Variants in BLOC1S5 observed in about 807,000 individuals in gnomAD.
BLOC1S5 encodes biogenesis of lysosome-related organelles complex 1 subunit 5.
Under a neutral mutation model 24.3 loss-of-function variants are expected in BLOC1S5, and 27 were observed. That is an observed-to-expected ratio of 1.11 (90% confidence interval 0.82 to 1.53). BLOC1S5 has a LOEUF of 1.53. Ranked by LOEUF, BLOC1S5 falls within the 40% of genes most tolerant of loss-of-function variation. The probability of loss-of-function intolerance (pLI) is 0.00; values close to 1 mark genes in which losing one functional copy is unlikely to be tolerated. For missense variants in BLOC1S5, 239 were observed against 229.4 expected (o/e 1.04, Z -0.27); for synonymous variants, 84 against 74.5 (o/e 1.13, Z -0.66).
At chr6:8,017,693 T>C (rs1339914557) in intron 4 of BLOC1S5, 1 of 152,242 alleles carries the variant, frequency 6.6e-6, no homozygotes, top group Non-Finnish European at 1.5e-5. Context: ...GCATAGCTAC[T>C]TCTAAAAGCC....
intron 2 of BLOC1S5, among the ~76,000 whole-genome samples, chr6:8,052,895 CAAA>C (rs572772278): frequency 2.9e-4 from 34 of 115,724 alleles, no homozygotes; most frequent in African/African-American, 9.9e-4. Context: ...GAGACTCTGT[CAAA>C]AAAAAAAAAA....
At chr6:8,030,375 G>C (rs1041683981) in intron 3 of BLOC1S5, among the ~76,000 whole-genome samples, 7 of 151,580 alleles carry the variant, frequency 4.6e-5, no homozygotes, top group African/African-American at 1.7e-4. Context: ...GGTCAGGCTG[G>C]TCTTGAACTC....
chr6:8,057,204 AG>A (rs1454378296), intron 2 of BLOC1S5, among the ~76,000 whole-genome samples: 1 of 152,108 alleles, frequency 6.6e-6, no homozygotes, highest in African/African-American at 2.4e-5. Flanking sequence ...GGGCAACAAG[AG>A]TGAAACTCCG....
At chr6:8,035,095 G>A (rs1763440862) in intron 3 of BLOC1S5, among the ~76,000 whole-genome samples, 2 of 152,048 alleles carry the variant, frequency 1.3e-5, no homozygotes, top group South Asian at 4.1e-4. Flanking sequence ...CTCAGGAATA[G>A]AAAACCAAAC....
At chr6:8,038,848 C>T (rs769682791) in intron 3 of BLOC1S5, among the ~76,000 whole-genome samples, 1 of 152,180 alleles carries the variant, frequency 6.6e-6, no homozygotes. Context: ...GAAAAGGGAA[C>T]TCTCGTATAC....
rs1351742650 is a variant in BLOC1S5 at position 8,064,248 on chromosome 6, G to A, written c.112+17C>T. ...GTGCTGGGATCCACCAGGAACTATA[G>A]CCCTGACACTCCGTACCCTTGATAA... On this transcript the variant is annotated intron_variant, in intron 1 of 4. Coordinates refer to ENST00000397457, the MANE Select transcript of BLOC1S5 (RefSeq NM_201280.3). The A allele has an allele frequency of 1.2e-6, 2 of 1,603,378 alleles. No individual in the cohort carries two copies. The highest frequency in any genetic ancestry group is 1.7e-6 in the Non-Finnish European group (2 of 1,172,256).
Position 8,014,179 on chromosome 6 carries a change from A to T in BLOC1S5, c.*1470T>A, listed in dbSNP as rs543270174. The T allele has an allele frequency of 8.6e-4, 131 of 152,318 alleles. No homozygotes were observed. Among genetic ancestry groups the T allele is most frequent in the African/African-American group, 3.0e-3 (126 of 41,574 alleles). 9.4% of individuals were successfully genotyped at this position (152,318 alleles called of 1,614,324 possible). ...GCAATAAAAAATATGTGAAAGATTT[A>T]TCCATACCTCAAATTTGTTTACCAT... On this transcript the variant is annotated 3_prime_UTR_variant, in exon 5 of 5. Coordinates refer to ENST00000397457, the MANE Select transcript of BLOC1S5 (RefSeq NM_201280.3).
intron 4 of BLOC1S5, among the ~76,000 whole-genome samples, chr6:8,021,211 G>C (rs748138807): frequency 3.9e-5 from 6 of 152,238 alleles, no homozygotes; most frequent in Non-Finnish European, 7.3e-5. Context: ...AATTCATAGA[G>C]CTGGAAAGTA....
intron 2 of BLOC1S5, among the ~76,000 whole-genome samples, chr6:8,052,486 G>T (rs572390857): frequency 6.6e-6 from 1 of 152,262 alleles, no homozygotes; most frequent in African/African-American, 2.4e-5. Context: ...ACATTAACAG[G>T]AGTTTGGAAG....
intron 4 of BLOC1S5, among the ~76,000 whole-genome samples, chr6:8,022,343 G>C (rs1762940869): frequency 6.6e-6 from 1 of 151,180 alleles, no homozygotes; most frequent in Non-Finnish European, 1.5e-5. Flanking sequence ...ACAGTGCTGA[G>C]GTTGAGAAAA....
chr6:8,060,028 TA>T (rs1369567612), intron 2 of BLOC1S5, among the ~76,000 whole-genome samples: 16 of 152,334 alleles, frequency 1.1e-4, no homozygotes, highest in African/African-American at 3.6e-4. Flanking sequence ...AACCAGCTGT[TA>T]CTATAAGCTG....
At chr6:8,043,926 T>C (rs766331608) in intron 2 of BLOC1S5, among the ~76,000 whole-genome samples, 17 of 152,162 alleles carry the variant, frequency 1.1e-4, no homozygotes, top group South Asian at 2.1e-4. Flanking sequence ...AAGTCTCTGA[T>C]GGGCTTATCA....
chr6:8,060,898 C>T (rs963996584), intron 2 of BLOC1S5, among the ~76,000 whole-genome samples: 3 of 152,158 alleles, frequency 2.0e-5, no homozygotes, highest in Admixed American at 1.3e-4. Context: ...GTTCTCGGCT[C>T]ACTGCAACCT....
intron 3 of BLOC1S5, among the ~76,000 whole-genome samples, chr6:8,032,708 GATTGTAT>G: frequency 6.6e-6 from 1 of 152,254 alleles, no homozygotes; most frequent in East Asian, 1.9e-4. Flanking sequence ...CAGATGACAT[GATTGTAT>G]ATTTAGAAAA....
At chr6:8,024,701 G>A (rs1198371043) in intron 4 of BLOC1S5, among the ~76,000 whole-genome samples, 1 of 152,024 alleles carries the variant, frequency 6.6e-6, no homozygotes, top group Non-Finnish European at 1.5e-5. Context: ...TACCCACACG[G>A]TGACCGCTCG....
At chr6:8,044,359 G>A (rs181947601) in intron 2 of BLOC1S5, among the ~76,000 whole-genome samples, 8 of 151,576 alleles carry the variant, frequency 5.3e-5, no homozygotes, top group Admixed American at 5.3e-4. Flanking sequence ...CACCCATGTG[G>A]AACTGTAAGT....
intron 3 of BLOC1S5, among the ~76,000 whole-genome samples, 168 bp from the exon 4 acceptor site, chr6:8,026,593 A>C (rs553058115): frequency 6.6e-6 from 1 of 152,314 alleles, no homozygotes; most frequent in African/African-American, 2.4e-5. Flanking sequence ...AGGGGAAAAT[A>C]AGTTTTGCCA....
chr6:8,039,113 A>T (rs1310523018), intron 3 of BLOC1S5, among the ~76,000 whole-genome samples: 1 of 152,248 alleles, frequency 6.6e-6, no homozygotes, highest in Non-Finnish European at 1.5e-5. Context: ...AGCCATAAAA[A>T]TGAATGAAAT....
rs1164642690 is a variant in BLOC1S5 at position 8,036,896 on chromosome 6, T to C, written c.325+4243A>G. 2.0e-5 allele frequency among the ~76,000 whole-genome samples: 3 copies of C among 152,152 alleles called. No homozygotes were observed. The East Asian group carries it at 5.8e-4, about 29-fold the overall frequency. ...TATGCAAATCTATAAATAACCCATATGGTAACCTCAACAGATGCTAAAAAA... is the reference window on the plus strand; with the variant it reads ...TATGCAAATCTATAAATAACCCATACGGTAACCTCAACAGATGCTAAAAAA... On this transcript the variant is annotated intron_variant, in intron 3 of 4. Coordinates refer to ENST00000397457, the MANE Select transcript of BLOC1S5 (RefSeq NM_201280.3).
Sources: allele counts gnomAD v4.1 joint callset (sites outside exome capture counted in the v4.1 genomes callset), GRCh38; gene constraint gnomAD v4.1.1; transcripts MANE v1.5; gene names NCBI Gene and HGNC (gene_info 2026-07-23, HGNC 2026-07-21).